The following ERGIC3 variants were observed in gnomAD, a reference collection of about 807,000 sequenced individuals.
ERGIC3 encodes ERGIC and golgi 3.
ERGIC3 carries 33 observed loss-of-function variants against 54.7 expected under a neutral mutation model. The observed-to-expected ratio is 0.60, with a 90% CI of 0.46 to 0.81. The LOEUF is 0.81. Ranked by LOEUF, ERGIC3 falls within the 30% of genes least tolerant of loss-of-function variation. ERGIC3 has a pLI of 0.00. For synonymous variants in ERGIC3, 186 were observed against 189.8 expected (o/e 0.98, Z 0.16); for missense variants, 399 against 488.4 (o/e 0.82, Z 1.73).
chr20:35,553,020 A>ATTTTGTTTTTTTTTTTTTTT (rs2064689830), intron 7 of ERGIC3, among the ~76,000 whole-genome samples: 1 of 41,552 alleles, frequency 2.4e-5, no homozygotes, highest in Non-Finnish European at 4.4e-5. Flanking sequence ...AAAGCTGGGG[A>ATTTTGTTTTTTTTTTTTTTT]TTTTTTTTTT....
At chr20:35,549,823 G>A (rs1423736216) in intron 7 of ERGIC3, 1 of 152,306 alleles carries the variant, frequency 6.6e-6, no homozygotes, top group African/African-American at 2.4e-5. Flanking sequence ...TTTTAGTAGA[G>A]ATGGGGTTTC....
chr20:35,549,747 C>G (rs1296705359), intron 7 of ERGIC3: 1 of 154,396 alleles, frequency 6.5e-6, no homozygotes, highest in Non-Finnish European at 1.4e-5. Flanking sequence ...AGTGATTCTC[C>G]TACCTCAGCC....
At chr20:35,553,459 G>A (rs1034490788) in intron 7 of ERGIC3, among the ~76,000 whole-genome samples, 2 of 152,092 alleles carry the variant, frequency 1.3e-5, no homozygotes, top group African/African-American at 4.8e-5. Context: ...GCAAGAAAGT[G>A]AAGAGGAACC....
chr20:35,555,045 C>G lies in ERGIC3; in HGVS notation c.687C>G (p.Val229=). The G allele has an allele frequency of 1.2e-6, 2 of 1,613,796 alleles. No homozygotes were observed. The highest frequency in any genetic ancestry group is 1.7e-6 in the Non-Finnish European group (2 of 1,179,974). Residue 229 remains valine (V), a splice_region_variant and synonymous_variant, in exon 8 of 13, where the codon GTC becomes GTG. Coordinates refer to ENST00000348547, the MANE Select transcript of ERGIC3 (RefSeq NM_015966.3). The part of the protein sequence containing the change: ...GKSFQQSHVH[V]HDLQSFGLDN... ...CTTGCCTTCTCCCTTCTCTCCTAGT[C>G]CATGACTTGCAGAGCTTTGGCCTTG...
intron 7 of ERGIC3, 194 bp downstream of exon 7, chr20:35,549,059 C>T: frequency 1.4e-6 from 1 of 697,560 alleles, no homozygotes; most frequent in East Asian, 2.8e-5. Flanking sequence ...CATTCAGATA[C>T]CAGTTTCAGA....
intron 7 of ERGIC3, chr20:35,549,768 C>G (rs778379797): frequency 6.5e-6 from 1 of 153,932 alleles, no homozygotes; most frequent in Non-Finnish European, 1.4e-5. Context: ...TCTTGAGTAG[C>G]TGGGTGTACA....
chr20:35,548,728 T>C, intron 6 of ERGIC3, 54 bp downstream of exon 6: 1 of 1,614,116 alleles, frequency 6.2e-7, no homozygotes, highest in Non-Finnish European at 8.5e-7. Flanking sequence ...CAAGCTCCAC[T>C]GGGAACCGAG....
chr20:35,554,429 G>A (rs1165428031), intron 7 of ERGIC3: 1 of 1,613,004 alleles, frequency 6.2e-7, no homozygotes, highest in Non-Finnish European at 8.5e-7. Flanking sequence ...CCTACTTCTG[G>A]GGCAGCCTGC....
At chr20:35,545,438 G>T (rs1311845043) in intron 4 of ERGIC3, 3 of 152,064 alleles carry the variant, frequency 2.0e-5, no homozygotes, top group African/African-American at 7.3e-5. Context: ...GTGGTGGTGG[G>T]CACCTGTAAT....
At position 35,557,566 on chromosome 20, in the gene ERGIC3, T is replaced by C; in HGVS notation, c.*62T>C. On this transcript the variant is annotated 3_prime_UTR_variant, in exon 13 of 13. Transcript: ENST00000348547. ...TGGCCTGTGGTTGTCCCCCAGCCTC[T>C]GCCACCCTCCACCTCCTCGGTCAGC... 6.9e-7 allele frequency: 1 copy of C among 1,447,666 alleles called. No individual in the cohort carries two copies. The highest frequency in any genetic ancestry group is 1.7e-5 in the Admixed American group (1 of 59,580). The allele number at this position is 1,447,666 out of a possible 1,614,324, so 89.7% of individuals were successfully genotyped here. A position where few individuals can be genotyped will look rare whatever the true frequency, so the allele number is the denominator to read the frequency against.
At chr20:35,553,020 A>ATGTTTTTTTTTTTT (rs2064689728) in intron 7 of ERGIC3, among the ~76,000 whole-genome samples, 1 of 41,552 alleles carries the variant, frequency 2.4e-5, no homozygotes, top group Non-Finnish European at 4.4e-5. Flanking sequence ...AAAGCTGGGG[A>ATGTTTTTTTTTTTT]TTTTTTTTTT....
At chr20:35,548,378 T>G in intron 5 of ERGIC3, 131 bp from the exon 6 acceptor site, 1 of 928,018 alleles carries the variant, frequency 1.1e-6, no homozygotes, top group Non-Finnish European at 1.6e-6. Flanking sequence ...ATTTGGAGAA[T>G]GTTTGGTGGT....
In ERGIC3 at chr20:35,547,511, C is replaced by G. The variant is rs770269912; in HGVS notation, c.461+6C>G. The G allele has an allele frequency of 6.2e-7, 1 of 1,613,450 alleles. No homozygotes were observed. On this transcript the variant is annotated splice_donor_region_variant and intron_variant, in intron 5 of 12. Transcript: ENST00000348547. Reference sequence around the variant, plus strand: ...GCTGAGGCAGAAGATATCAAGTGAGCTGGCGGGGAGCGGGAGCAGGGTTCC... The same window carrying G: ...GCTGAGGCAGAAGATATCAAGTGAGGTGGCGGGGAGCGGGAGCAGGGTTCC...
intron 4 of ERGIC3, 77 bp from the exon 5 acceptor site, chr20:35,547,335 G>A (rs2064653944): frequency 9.5e-7 from 1 of 1,057,650 alleles, no homozygotes; most frequent in African/African-American, 1.6e-5. Flanking sequence ...CCTAAGCAAA[G>A]GGCTTGTGCA....
chr20:35,554,754 T>C, intron 7 of ERGIC3: 2 of 595,640 alleles, frequency 3.4e-6, no homozygotes, highest in East Asian at 2.8e-5. Flanking sequence ...GGGTTTTGTT[T>C]CCGGAGATGC....
intron 7 of ERGIC3, 90 bp from the exon 8 acceptor site, chr20:35,554,954 G>A: frequency 6.9e-7 from 1 of 1,451,244 alleles, no homozygotes; most frequent in East Asian, 2.3e-5. Context: ...AGAGAAGACA[G>A]GTGGTTTGCA....
intron 4 of ERGIC3, chr20:35,543,728 A>G: frequency 2.1e-6 from 1 of 470,644 alleles, no homozygotes; most frequent in Non-Finnish European, 4.4e-6. Context: ...GGAGGAGAGC[A>G]AAGTCATGGT....
At chr20:35,554,338 C>T (rs1489826804) in intron 7 of ERGIC3, 1 of 1,613,984 alleles carries the variant, frequency 6.2e-7, no homozygotes, top group Admixed American at 1.7e-5. Context: ...AGCTCTGAAT[C>T]TTTCTTCTCT....
In ERGIC3 at chr20:35,548,654, G is replaced by C; in HGVS notation, c.607G>C (p.Gly203Arg). ...GAAGAATGAAGGCTGCCAGGTGTAT[G>C]GCTTCTTGGAAGTCAATAAGGTATC... ...EQKNEGCQVY[G>R]FLEVNKVAGN... is the part of the protein sequence containing the mutation. Residue 203 changes from glycine (G) to arginine (R), a missense_variant, in exon 6 of 13, where the codon GGC becomes CGC. Transcript: ENST00000348547. 1 of 1,614,250 alleles carries C rather than the reference G, an allele frequency of 6.2e-7. No individual in the cohort carries two copies. Among genetic ancestry groups the C allele is most frequent in the Non-Finnish European group, 8.5e-7 (1 of 1,180,042 alleles).
Sources: gnomAD v4.1 joint callset for allele counts (sites outside exome capture counted in the v4.1 genomes callset) on GRCh38, gnomAD v4.1.1 for gene constraint, MANE v1.5 for transcripts, NCBI Gene and HGNC (gene_info 2026-07-23, HGNC 2026-07-21) for gene names.